The following MYH15 variants were observed in gnomAD, a reference collection of about 807,000 sequenced individuals.
The protein encoded by MYH15 is myosin-15.
In MYH15, 227 loss-of-function variants were observed where a neutral mutation model predicts 240.5. That is an observed-to-expected ratio of 0.94 (90% CI 0.85 to 1.05). The LOEUF is 1.05. Among genes scored for constraint, MYH15 ranks in the 50% least tolerant of loss-of-function variants. MYH15 has a pLI of 0.00. For synonymous variants in MYH15, 785 were observed against 796.7 expected (o/e 0.99, Z 0.25); for missense variants, 2,217 against 2,247.5 (o/e 0.99, Z 0.27).
chr3:108,492,654 A>C, intron 8 of MYH15, 59 bp from the exon 9 acceptor site: 2 of 1,318,066 alleles, frequency 1.5e-6, no homozygotes, highest in Non-Finnish European at 2.2e-6. Flanking sequence ...AATGTAGAAG[A>C]AAAGTAATCA....
rs143557994 is a variant in MYH15 at position 108,430,746 on chromosome 3, C to T, written c.3312+86G>A. ...CTGTGGTTGGCTAAGGGTATGAATACCTTGGCAGAGAATTAGTCATTGAAC... is the reference window on the plus strand; with the variant it reads ...CTGTGGTTGGCTAAGGGTATGAATATCTTGGCAGAGAATTAGTCATTGAAC... On this transcript the variant is annotated intron_variant, in intron 26 of 40. Transcript: ENST00000693548. 1.0e-4 allele frequency: 111 copies of T among 1,063,296 alleles called. No individual in the cohort carries two copies. In the African/African-American group the frequency reaches 1.5e-3, roughly 15 times the overall value. The allele number at this position is 1,063,296 out of a possible 1,614,324, so 65.9% of individuals were successfully genotyped here.
upstream of MYH15, among the ~76,000 whole-genome samples, chr3:108,532,688 A>G (rs1341666714): frequency 6.6e-6 from 1 of 152,130 alleles, no homozygotes; most frequent in East Asian, 1.9e-4. Flanking sequence ...ACCTTGACTA[A>G]TATGTCATCT....
chr3:108,516,457 A>G (rs542286746), intron 1 of MYH15, among the ~76,000 whole-genome samples: 2 of 152,328 alleles, frequency 1.3e-5, no homozygotes, highest in African/African-American at 2.4e-5. Flanking sequence ...AAGCTGAAAC[A>G]TATGTCTTAA....
At chr3:108,423,947 T>C (rs1033184869) in intron 27 of MYH15, among the ~76,000 whole-genome samples, 1 of 152,204 alleles carries the variant, frequency 6.6e-6, no homozygotes, top group African/African-American at 2.4e-5. Flanking sequence ...AAAAATAGGA[T>C]GATTATGAAA....
chr3:108,542,224 CATTT>C, the MYH15 span, among the ~76,000 whole-genome samples: 3 of 152,104 alleles, frequency 2.0e-5, no homozygotes, highest in Non-Finnish European at 1.5e-5. Context: ...ATTACTGACA[CATTT>C]ATTATAATTA....
rs1175369984 is a variant in MYH15, at chr3:108,439,928, T to C, written c.2899-15A>G. The C allele has an allele frequency of 7.1e-6, 11 of 1,545,514 alleles. No homozygotes were observed. The highest frequency in any genetic ancestry group is 2.0e-5 in the Admixed American group (1 of 50,602). ...AAGTTCTTGACCTGTGGGAAGAAGA[T>C]GACAGCTTCATTAAAGCCACTGCTG... On this transcript the variant is annotated splice_polypyrimidine_tract_variant and intron_variant, in intron 23 of 40. Transcript: ENST00000693548.
chr3:108,494,977 C>T (rs2083379900), intron 7 of MYH15, among the ~76,000 whole-genome samples: 1 of 152,124 alleles, frequency 6.6e-6, no homozygotes, highest in South Asian at 2.1e-4. Flanking sequence ...CTAAAACATC[C>T]CAAATCTACC....
intron 30 of MYH15, among the ~76,000 whole-genome samples, chr3:108,411,858 G>A (rs1244233504): frequency 6.6e-6 from 1 of 152,108 alleles, no homozygotes; most frequent in African/African-American, 2.4e-5. Flanking sequence ...CCCTTTTGGT[G>A]GAATCCTGCA....
At chr3:108,532,999 G>A (rs892312576), upstream of MYH15, among the ~76,000 whole-genome samples, 3 of 151,796 alleles carry the variant, frequency 2.0e-5, no homozygotes, top group South Asian at 6.3e-4. Context: ...AATTAAATAA[G>A]GTTTTCTATG....
intron 39 of MYH15, 95 bp from the exon 40 acceptor site, chr3:108,383,824 A>G (rs1218829123): frequency 1.1e-5 from 11 of 997,516 alleles, no homozygotes; most frequent in African/African-American, 3.3e-5. Context: ...GAATAATGTG[A>G]AAAGAATCTA....
intron 21 of MYH15, among the ~76,000 whole-genome samples, chr3:108,445,228 T>C (rs915177275): frequency 6.6e-6 from 1 of 152,228 alleles, no homozygotes; most frequent in Non-Finnish European, 1.5e-5. Flanking sequence ...GCCATCTTTA[T>C]GGAAGGAGGA....
chr3:108,427,113 A>C (rs1021612775), intron 27 of MYH15, among the ~76,000 whole-genome samples: 42 of 152,238 alleles, frequency 2.8e-4, no homozygotes, highest in Non-Finnish European at 1.3e-4. Flanking sequence ...TCATGCCTTG[A>C]GTTTCACTCC....
At chr3:108,388,938 CCAGA>C in intron 38 of MYH15, 28 bp downstream of exon 38, 1 of 1,596,580 alleles carries the variant, frequency 6.3e-7, no homozygotes, top group South Asian at 1.1e-5. Flanking sequence ...TAGTGCCCAG[CCAGA>C]CAAACAGGGA....
At chr3:108,391,403 A>G (rs987884459) in intron 37 of MYH15, among the ~76,000 whole-genome samples, 39 of 152,066 alleles carry the variant, frequency 2.6e-4, no homozygotes, top group African/African-American at 9.4e-4. Context: ...TTCTCTGCAG[A>G]GGAATTAACG....
intron 26 of MYH15, among the ~76,000 whole-genome samples, chr3:108,430,038 G>T (rs2082765172): frequency 6.6e-6 from 1 of 152,026 alleles, no homozygotes; most frequent in Non-Finnish European, 1.5e-5. Flanking sequence ...CTTTATTTTG[G>T]ATAAAGTCAA....
chr3:108,424,406 G>A (rs1016139493), intron 27 of MYH15, among the ~76,000 whole-genome samples: 1 of 152,140 alleles, frequency 6.6e-6, no homozygotes. Context: ...GCCTATATGG[G>A]GATATAGCAT....
rs950000305 is a variant in MYH15 at position 108,455,634 on chromosome 3, G to A, written c.2262+102C>T. The A allele has an allele frequency of 5.3e-6, 7 of 1,318,182 alleles. No homozygotes were observed. The African/African-American group carries it at 8.7e-5, about 16-fold the overall frequency. 81.7% of individuals were successfully genotyped at this position (1,318,182 alleles called of 1,614,324 possible). A position where few individuals can be genotyped will look rare whatever the true frequency, so the allele number is the denominator to read the frequency against. On this transcript the variant is annotated intron_variant, in intron 20 of 40. Coordinates refer to ENST00000693548, the MANE Select transcript of MYH15 (RefSeq NM_014981.3). ...CTGTTTGTGATATTTATGGTCATGA[G>A]AGCTGAAGAATGCCTTATAATTGAG...
chr3:108,427,760 T>G (rs2082738062), intron 27 of MYH15, among the ~76,000 whole-genome samples: 1 of 152,196 alleles, frequency 6.6e-6, no homozygotes, highest in Admixed American at 6.5e-5. Context: ...ATATTCTACA[T>G]TTTTCTAACC....
intron 29 of MYH15, among the ~76,000 whole-genome samples, chr3:108,415,346 T>G (rs1576219176): frequency 6.6e-6 from 1 of 152,156 alleles, no homozygotes. Flanking sequence ...CTTTGGGTGG[T>G]AAATGAGGAG....
Sources: allele counts gnomAD v4.1 joint callset (sites outside exome capture counted in the v4.1 genomes callset), GRCh38; gene constraint gnomAD v4.1.1; transcripts MANE v1.5; gene names NCBI Gene and HGNC (gene_info 2026-07-23, HGNC 2026-07-21).